SAA1: variants seen among roughly 807,000 people sequenced by gnomAD.
The protein encoded by SAA1 is serum amyloid A-1 protein.
Under a neutral mutation model 9.8 loss-of-function variants are expected in SAA1, and 4 were observed. The observed-to-expected ratio is 0.41, with a 90% CI of 0.20 to 0.93. The LOEUF (loss-of-function observed/expected upper bound fraction) is 0.93, where lower values mean the gene tolerates loss of function less well. Among genes scored for constraint, SAA1 ranks in the 40% least tolerant of loss-of-function variants. The probability of loss-of-function intolerance (pLI) is 0.33; values close to 1 mark genes in which losing one functional copy is unlikely to be tolerated. For synonymous variants in SAA1, 47 were observed against 57.7 expected (o/e 0.82, Z 0.84); for missense variants, 114 against 155.5 (o/e 0.73, Z 1.42).
rs1375428406 is a variant in SAA1 at position 18,269,887 on chromosome 11, G to A, written c.*32G>A. On this transcript the variant is annotated 3_prime_UTR_variant, in exon 4 of 4. Transcript: ENST00000356524. The stretch of plus-strand genomic sequence containing the variant: ...TCTTCACTCTGCTCTCAGGAGATCT[G>A]GCTGTGAGGCCCTCAGGGCAGGGAT... 1 of 1,612,090 alleles carries A rather than the reference G, an allele frequency of 6.2e-7. No homozygotes were observed. Among genetic ancestry groups the A allele is most frequent in the African/African-American group, 1.3e-5 (1 of 75,016 alleles).
Position 18,266,735 on chromosome 11 carries a change from A to T in SAA1, c.-4-149A>T. 6.1e-6 allele frequency: 4 copies of T among 650,678 alleles called. No individual in the cohort carries two copies. The Admixed American group carries it at 8.9e-5, about 14-fold the overall frequency. 40.3% of individuals were successfully genotyped at this position (650,678 alleles called of 1,614,324 possible). A position where few individuals can be genotyped will look rare whatever the true frequency, so the allele number is the denominator to read the frequency against. On this transcript the variant is annotated intron_variant, in intron 1 of 3. Coordinates refer to ENST00000356524, the MANE Select transcript of SAA1 (RefSeq NM_199161.5). ...TCAGAACCGAGGGCTTCTGGCTCTG[A>T]GTGAGGTCCTGCTGCAAGGTTTCCT...
chr11:18,266,922 T>C lies in SAA1; in HGVS notation c.35T>C (p.Leu12Ser), dbSNP rs776285045. The C allele has an allele frequency of 2.5e-6, 4 of 1,612,576 alleles. No individual in the cohort carries two copies. Among genetic ancestry groups the C allele is most frequent in the Non-Finnish European group, 3.4e-6 (4 of 1,179,676 alleles). Residue 12 changes from leucine (L) to serine (S), a missense_variant, in exon 2 of 4, where the codon TTG becomes TCG. Around this residue, in one of 2 missense-constraint regions of SAA1, gnomAD observed 46 missense variants for 100.8 expected, o/e 0.46. Transcript: ENST00000356524. ...CTCACGGGCCTGGTTTTCTGCTCCTTGGTCCTGGGTGTCAGCAGCCGAAGC... is the reference window on the plus strand; with the variant it reads ...CTCACGGGCCTGGTTTTCTGCTCCTCGGTCCTGGGTGTCAGCAGCCGAAGC... Reference protein sequence around the residue: ...KLLTGLVFCSLVLGVSSRSFF... With the variant: ...KLLTGLVFCSSVLGVSSRSFF...
Position 18,266,644 on chromosome 11 carries a change from C to T in SAA1, c.-4-240C>T, listed in dbSNP as rs1198077123. The T allele has an allele frequency of 5.4e-6, 3 of 559,100 alleles. No individual in the cohort carries two copies. In the African/African-American group the frequency reaches 5.7e-5, roughly 11 times the overall value. The allele number at this position is 559,100 out of a possible 1,614,324, so 34.6% of individuals were successfully genotyped here. ...AGGGAGTGACAGTCTGGTGGTAACT[C>T]CTGCCTTCCTCCATCAGTGCCACGT... On this transcript the variant is annotated intron_variant, in intron 1 of 3. Transcript: ENST00000356524.
chr11:18,269,220 C>T lies in SAA1; in HGVS notation c.117C>T (p.Tyr39=), dbSNP rs759848388. 5.0e-6 allele frequency: 8 copies of T among 1,599,890 alleles called. No homozygotes were observed. The highest frequency in any genetic ancestry group is 3.4e-5 in the South Asian group (3 of 88,640). ...FDGARDMWRA[Y]SDMREANYIG... ...GGGCTCGGGACATGTGGAGAGCCTACTCTGACATGAGAGAAGCCAATTACA... is the reference window on the plus strand; with the variant it reads ...GGGCTCGGGACATGTGGAGAGCCTATTCTGACATGAGAGAAGCCAATTACA... The change falls in exon 3 of 4, where the codon TAC becomes TAT. Residue 39 remains tyrosine (Y), a synonymous_variant. Coordinates refer to ENST00000356524, the MANE Select transcript of SAA1 (RefSeq NM_199161.5).
intron 2 of SAA1, among the ~76,000 whole-genome samples, chr11:18,267,558 T>G (rs967150565): frequency 1.6e-5 from 2 of 127,698 alleles, no homozygotes; most frequent in East Asian, 2.1e-4. Context: ...CTCTTCTGTC[T>G]TCTTTCTCCT....
At chr11:18,269,613 C>T in intron 3 of SAA1, 104 bp from the exon 4 acceptor site, 4 of 1,505,942 alleles carry the variant, frequency 2.7e-6, no homozygotes, top group Non-Finnish European at 3.6e-6. Flanking sequence ...CTTGGCCTTT[C>T]TGGGCTCCTC....
rs772901303 is a variant in SAA1 at position 18,269,272 on chromosome 11, CG to C, written c.174del (p.Asn59ThrfsTer17). The C allele has an allele frequency of 6.3e-7, 1 of 1,594,160 alleles. No homozygotes were observed. The highest frequency in any genetic ancestry group is 8.6e-7 in the Non-Finnish European group (1 of 1,168,364). On this transcript the variant is annotated frameshift_variant, in exon 3 of 4. Transcript: ENST00000356524. LOFTEE classifies it high-confidence loss of function. ...CGGCTCAGACAAATACTTCCATGCT[CG>C]GGGGAACTATGATGCTGCCAAAAGG... Reference protein sequence around the residue: ...YIGSDKYFHARGNYDAAKRGP... With the variant: ...YIGSDKYFHAXGNYDAAKRGP...
chr11:18,266,700 G>C (rs989900306), intron 1 of SAA1, among the ~76,000 whole-genome samples, 184 bp from the exon 2 acceptor site: 3 of 151,870 alleles, frequency 2.0e-5, no homozygotes, highest in African/African-American at 7.3e-5. Context: ...AGGCTTCAGG[G>C]CTGATGGGTT....
chr11:18,269,765 C>G lies in SAA1; in HGVS notation c.279C>G (p.Asp93Glu). The G allele has an allele frequency of 1.2e-6, 2 of 1,614,008 alleles. No individual in the cohort carries two copies. The highest frequency in any genetic ancestry group is 3.3e-5 in the Admixed American group (2 of 60,008). The stretch of plus-strand genomic sequence containing the variant: ...GATTCTTTGGCCATGGTGCGGAGGA[C>G]TCGCTGGCTGATCAGGCTGCCAATG... ...IQRFFGHGAE[D>E]SLADQAANEW... Residue 93 changes from aspartate to glutamate, a missense_variant, in exon 4 of 4, where the codon GAC (aspartate) becomes GAG (glutamate). Coordinates refer to ENST00000356524, the MANE Select transcript of SAA1 (RefSeq NM_199161.5).
chr11:18,267,994 A>G (rs61884284), intron 2 of SAA1, among the ~76,000 whole-genome samples: 3 of 149,138 alleles, frequency 2.0e-5, no homozygotes, highest in Non-Finnish European at 4.5e-5. Flanking sequence ...ATCACCTGAA[A>G]TACCCATGCC....
In SAA1 at chr11:18,269,934, C is replaced by A. The variant is rs1057121369; in HGVS notation, c.*79C>A. The A allele has an allele frequency of 6.3e-7, 1 of 1,583,516 alleles. No individual in the cohort carries two copies. Among genetic ancestry groups the A allele is most frequent in the Non-Finnish European group, 8.6e-7 (1 of 1,165,226 alleles). On this transcript the variant is annotated 3_prime_UTR_variant, in exon 4 of 4. Coordinates refer to ENST00000356524, the MANE Select transcript of SAA1 (RefSeq NM_199161.5). The stretch of plus-strand genomic sequence containing the variant: ...GGATACAAAGCGGGGAGAGGGTACA[C>A]AATGGGTATCTAATAAATACTTAAG...
chr11:18,268,632 G>C (rs1858107565), intron 2 of SAA1, among the ~76,000 whole-genome samples: 1 of 152,012 alleles, frequency 6.6e-6, no homozygotes, highest in Non-Finnish European at 1.5e-5. Context: ...AGGAGTTCGA[G>C]ACCAGCCTGA....
intron 2 of SAA1, among the ~76,000 whole-genome samples, chr11:18,268,831 TAAAAAA>T (rs371021832): frequency 7.2e-5 from 8 of 110,652 alleles, no homozygotes; most frequent in African/African-American, 2.1e-4. Context: ...AGACTCTGTC[TAAAAAA>T]AAAAAAAAAA....
intron 2 of SAA1, among the ~76,000 whole-genome samples, chr11:18,268,865 A>T (rs1372313314): frequency 2.2e-5 from 2 of 90,224 alleles, no homozygotes; most frequent in African/African-American, 8.7e-5. Context: ...AAAAAAAAAG[A>T]ATATAAACTT....
intron 2 of SAA1, among the ~76,000 whole-genome samples, chr11:18,268,135 C>G (rs750358924): frequency 6.6e-6 from 1 of 151,792 alleles, no homozygotes; most frequent in Non-Finnish European, 1.5e-5. Flanking sequence ...CTTTGGGAGG[C>G]CAAGGTGGAT....
At position 18,266,868 on chromosome 11, in the gene SAA1, TCTC is replaced by T. The variant is rs750443419; in HGVS notation, c.-4-13_-4-11del. 6.8e-6 allele frequency: 11 copies of T among 1,608,004 alleles called. No homozygotes were observed. The highest frequency in any genetic ancestry group is 4.1e-5 in the African/African-American group (3 of 73,722). ...CAGTCTTGTGGGCGACTGCCTGACT[TCTC>T]CTTTCATTTCAGCACCATGAAGCTT... is the stretch of plus-strand genomic sequence containing the variant. On this transcript the variant is annotated splice_polypyrimidine_tract_variant and intron_variant, in intron 1 of 3. Coordinates refer to ENST00000356524, the MANE Select transcript of SAA1 (RefSeq NM_199161.5).
chr11:18,269,561 C>A lies in SAA1; in HGVS notation c.231-156C>A, dbSNP rs569728696. 2.6e-5 allele frequency among the ~76,000 whole-genome samples: 4 copies of A among 152,326 alleles called. 1 individual carries two copies. In the South Asian group the frequency reaches 6.2e-4, roughly 24 times the overall value. ...TTCATCCAGCCTAGGGGTGCCCAGC[C>A]TGGCTGAATGGGGTGGTGCCCAGTG... On this transcript the variant is annotated intron_variant, in intron 3 of 3. Coordinates refer to ENST00000356524, the MANE Select transcript of SAA1 (RefSeq NM_199161.5).
chr11:18,268,358 C>G (rs113007768), intron 2 of SAA1, among the ~76,000 whole-genome samples: 1 of 151,732 alleles, frequency 6.6e-6, no homozygotes, highest in Non-Finnish European at 1.5e-5. Flanking sequence ...GGTGACAGAG[C>G]GAGACTCCAT....
At chr11:18,268,849 AAAAAAAAAAAAAAAG>A (rs1213156048) in intron 2 of SAA1, among the ~76,000 whole-genome samples, 4 of 16,668 alleles carry the variant, frequency 2.4e-4, no homozygotes, top group African/African-American at 6.4e-4. Context: ...AAAAAAAAAA[AAAAAAAAAAAAAAAG>A]AATATAAACT....
Sources: gnomAD v4.1 joint callset for allele counts (sites outside exome capture counted in the v4.1 genomes callset) on GRCh38, gnomAD v4.1.1 for gene constraint, gnomAD v4.1.1 regional missense constraint, MANE v1.5 for transcripts, NCBI Gene and HGNC (gene_info 2026-07-23, HGNC 2026-07-21) for gene names.